The following SPTLC3 variants were observed in gnomAD, a reference collection of about 807,000 sequenced individuals.
SPTLC3 encodes the protein serine palmitoyltransferase 3.
A neutral mutation model predicts 59.3 loss-of-function variants in SPTLC3; 36 were observed. The observed-to-expected ratio is 0.61, with a 90% confidence interval of 0.47 to 0.80. The LOEUF is 0.80. SPTLC3 is among the 30% of genes least tolerant of loss of function. The pLI is 0.00. For synonymous variants in SPTLC3, 257 were observed against 240.8 expected (o/e 1.07, Z -0.62); for missense variants, 625 against 685.1 (o/e 0.91, Z 0.98).
At position 13,072,269 on chromosome 20, in the gene SPTLC3, T is replaced by G; in HGVS notation, c.317T>G (p.Leu106Arg). ...ERKEQKDFVP[L>R]YQDFENFYTR... ...CTGTTCTAACAGGATTTTGTGCCACTGTATCAAGACTTTGAAAATTTTTAT... is the reference window on the plus strand; with the variant it reads ...CTGTTCTAACAGGATTTTGTGCCACGGTATCAAGACTTTGAAAATTTTTAT... The change falls in exon 3 of 12, where the codon CTG becomes CGG. Residue 106 changes from leucine to arginine, a missense_variant. Transcript: ENST00000399002. 6.2e-7 allele frequency: 1 copy of G among 1,611,878 alleles called. No individual in the cohort carries two copies. Among genetic ancestry groups the G allele is most frequent in the East Asian group, 2.2e-5 (1 of 44,866 alleles).
chr20:13,081,092 T>C (rs980089886), intron 4 of SPTLC3, among the ~76,000 whole-genome samples: 6 of 152,142 alleles, frequency 3.9e-5, no homozygotes, highest in Admixed American at 2.0e-4. Flanking sequence ...GAGAGTTTAT[T>C]TGGGCCGAAG....
At chr20:13,025,029 T>A (rs986598199) in intron 1 of SPTLC3, among the ~76,000 whole-genome samples, 1 of 152,226 alleles carries the variant, frequency 6.6e-6, no homozygotes, top group Non-Finnish European at 1.5e-5. Context: ...TGTGAACTTG[T>A]ATTTGTCTCA....
rs139914032 is a variant in SPTLC3, at chr20:13,062,268, G to A, written c.304-9988G>A. 1.1e-3 allele frequency among the ~76,000 whole-genome samples: 170 copies of A among 152,288 alleles called. 5 individuals carry two copies. In the East Asian group the frequency reaches 0.03, roughly 27 times the overall value. On this transcript the variant is annotated intron_variant, in intron 2 of 11. Coordinates refer to ENST00000399002, the MANE Select transcript of SPTLC3 (RefSeq NM_018327.4). The stretch of plus-strand genomic sequence containing the variant: ...TTCTGGCTAAAAAGCAAGAAGGGGC[G>A]AAAGTTGTCCACAGTTGTATCTGGC...
chr20:13,010,130 G>A (rs1985160888), intron 1 of SPTLC3, among the ~76,000 whole-genome samples: 1 of 151,854 alleles, frequency 6.6e-6, no homozygotes, highest in Non-Finnish European at 1.5e-5. Flanking sequence ...CTTGTTTTAA[G>A]AGAGAGCCTG....
intron 2 of SPTLC3, among the ~76,000 whole-genome samples, chr20:13,056,956 G>T (rs1987757735): frequency 6.6e-6 from 1 of 151,826 alleles, no homozygotes; most frequent in African/African-American, 2.4e-5. Flanking sequence ...TGGCCAGGCT[G>T]GTCTTGAACT....
At chr20:13,027,962 G>T (rs1431319506) in intron 1 of SPTLC3, among the ~76,000 whole-genome samples, 2 of 152,122 alleles carry the variant, frequency 1.3e-5, no homozygotes, top group African/African-American at 4.8e-5. Context: ...TCTTTGACCA[G>T]CCTCAGCTCT....
chr20:13,079,386 GAGA>G (rs1988760463), intron 4 of SPTLC3, among the ~76,000 whole-genome samples: 1 of 152,064 alleles, frequency 6.6e-6, no homozygotes, highest in Admixed American at 6.5e-5. Flanking sequence ...GGTCATATAA[GAGA>G]AGAAGTTATA....
chr20:13,062,378 C>T (rs1467521407), intron 2 of SPTLC3, among the ~76,000 whole-genome samples: 1 of 152,184 alleles, frequency 6.6e-6, no homozygotes, highest in Non-Finnish European at 1.5e-5. Context: ...CTGGTAAAAT[C>T]AGATCATAGT....
At chr20:13,118,325 G>C (rs1438772610) in intron 8 of SPTLC3, among the ~76,000 whole-genome samples, 7 of 151,536 alleles carry the variant, frequency 4.6e-5, no homozygotes, top group African/African-American at 1.7e-4. Context: ...TACACCATAG[G>C]TCAAATCCTG....
In SPTLC3 at chr20:13,129,337, G is replaced by A. The variant is rs77698839; in HGVS notation, c.1279+2620G>A. The stretch of plus-strand genomic sequence containing the variant: ...TCTTTTAACCTTTTAACATTGAAGC[G>A]AGATAGAGTGGCATCTTTTCCTCCA... On this transcript the variant is annotated intron_variant, in intron 9 of 11. Coordinates refer to ENST00000399002, the MANE Select transcript of SPTLC3 (RefSeq NM_018327.4). Among the ~76,000 whole-genome samples, 640 of 152,260 alleles carry A rather than the reference G, an allele frequency of 4.2e-3. 3 individuals carry two copies. The highest frequency in any genetic ancestry group is 0.015 in the African/African-American group (608 of 41,546).
rs1448660202 is a variant in SPTLC3, at chr20:13,168,697, A to G, written c.*3830A>G. ...ACCTAAGTTCCGATGATGATGAAAC[A>G]TTAACTCTTAAATATACATTTTGAT... On this transcript the variant is annotated 3_prime_UTR_variant, in exon 12 of 12. Coordinates refer to ENST00000399002, the MANE Select transcript of SPTLC3 (RefSeq NM_018327.4). The G allele has an allele frequency of 1.3e-5, 2 of 152,242 alleles. No homozygotes were observed. Among genetic ancestry groups the G allele is most frequent in the African/African-American group, 4.8e-5 (2 of 41,460 alleles). 9.4% of individuals were successfully genotyped at this position (152,242 alleles called of 1,614,324 possible).
chr20:13,035,798 G>A (rs1472664649), intron 1 of SPTLC3, among the ~76,000 whole-genome samples: 1 of 152,068 alleles, frequency 6.6e-6, no homozygotes, highest in Non-Finnish European at 1.5e-5. Context: ...CTAAACATTT[G>A]TATTTATAAA....
chr20:13,146,415 G>A (rs866165661), intron 9 of SPTLC3, among the ~76,000 whole-genome samples: 8 of 151,824 alleles, frequency 5.3e-5, no homozygotes, highest in Admixed American at 3.9e-4. Context: ...CATGTACCCC[G>A]AAACCTAAAA....
chr20:13,164,497 C>T, intron 11 of SPTLC3: 1 of 531,390 alleles, frequency 1.9e-6, no homozygotes, highest in Non-Finnish European at 3.5e-6. Context: ...TTTTATTCTT[C>T]TCTTCACACT....
At chr20:13,159,865 A>G (rs2038856524) in intron 10 of SPTLC3, 138 bp from the exon 11 acceptor site, 9 of 1,200,360 alleles carry the variant, frequency 7.5e-6, no homozygotes, top group Middle Eastern at 3.0e-4. Context: ...AAAAACTTCA[A>G]TCATCTTCCA....
At chr20:13,090,985 A>G in intron 4 of SPTLC3, 98 bp from the exon 5 acceptor site, 2 of 1,500,068 alleles carry the variant, frequency 1.3e-6, no homozygotes, top group Non-Finnish European at 1.8e-6. Context: ...GCACTCTTGT[A>G]TAGGTCTTTT....
intron 8 of SPTLC3, among the ~76,000 whole-genome samples, chr20:13,122,487 C>T (rs932065083): frequency 3.9e-5 from 6 of 152,180 alleles, no homozygotes; most frequent in East Asian, 1.9e-4. Context: ...CTGGAGAAGT[C>T]GAGTGTGGCC....
intron 1 of SPTLC3, among the ~76,000 whole-genome samples, chr20:13,033,649 A>ACTATTT (rs1986601669): frequency 6.6e-6 from 1 of 152,182 alleles, no homozygotes; most frequent in Non-Finnish European, 1.5e-5. Flanking sequence ...GTCACACCAG[A>ACTATTT]CAATAGTGTT....
rs1368777665 is a variant in SPTLC3, at chr20:13,091,306, G to A, written c.732+99G>A. ...GAAGTATGGCTGAGATGGGCACGGT[G>A]GTTCACGCCTGTAATCCTAGCACTT... is the stretch of plus-strand genomic sequence containing the variant. On this transcript the variant is annotated intron_variant, in intron 5 of 11. Transcript: ENST00000399002. 5.5e-6 allele frequency: 8 copies of A among 1,461,776 alleles called. No homozygotes were observed. The East Asian group carries it at 1.9e-4, about 35-fold the overall frequency. The allele number at this position is 1,461,776 out of a possible 1,614,324, so 90.6% of individuals were successfully genotyped here. A position where few individuals can be genotyped will look rare whatever the true frequency, so the allele number is the denominator to read the frequency against.
Sources: gnomAD v4.1 joint callset for allele counts (sites outside exome capture counted in the v4.1 genomes callset) on GRCh38, gnomAD v4.1.1 for gene constraint, MANE v1.5 for transcripts, NCBI Gene and HGNC (gene_info 2026-07-23, HGNC 2026-07-21) for gene names.